The following FBXL17 variants were observed in gnomAD, a reference collection of about 807,000 sequenced individuals.
FBXL17 encodes F-box/LRR-repeat protein 17.
A neutral mutation model predicts 66.2 loss-of-function variants in FBXL17; 22 were observed. The observed-to-expected ratio is 0.33, with a 90% CI of 0.24 to 0.47. FBXL17 has a LOEUF of 0.47. Ranked by LOEUF, FBXL17 falls within the 20% of genes least tolerant of loss-of-function variation. The pLI is 1.00. For missense variants in FBXL17, 878 were observed against 948.2 expected (o/e 0.93, Z 0.97); for synonymous variants, 474 against 400.5 (o/e 1.18, Z -2.19).
chr5:108,127,106 G>C (rs1750746498), intron 6 of FBXL17, among the ~76,000 whole-genome samples: 1 of 152,128 alleles, frequency 6.6e-6, no homozygotes, highest in Admixed American at 6.6e-5. Context: ...TAGTTTGCTT[G>C]TGCAAACAAG....
rs191794939 is a variant in FBXL17 at position 107,988,596 on chromosome 5, A to C, written c.1822+32329T>G. On this transcript the variant is annotated intron_variant, in intron 7 of 8. Transcript: ENST00000542267. Reference sequence around the variant, plus strand: ...AATTAAATATTATTTACCACATATAAGTGAAACATCAAAGATCCAAATAAT... The same window carrying C: ...AATTAAATATTATTTACCACATATACGTGAAACATCAAAGATCCAAATAAT... 2.1e-3 allele frequency among the ~76,000 whole-genome samples: 320 copies of C among 152,190 alleles called. 2 individuals are homozygous for C. Among genetic ancestry groups the C allele is most frequent in the African/African-American group, 7.3e-3 (303 of 41,572 alleles).
chr5:107,906,419 T>G (rs1749760044), intron 7 of FBXL17, among the ~76,000 whole-genome samples: 1 of 151,954 alleles, frequency 6.6e-6, no homozygotes, highest in Non-Finnish European at 1.5e-5. Context: ...GGAACAACAG[T>G]TTTTGAATAT....
chr5:108,223,657 TTGTTA>T (rs1253624265), intron 5 of FBXL17, among the ~76,000 whole-genome samples: 2 of 152,204 alleles, frequency 1.3e-5, no homozygotes, highest in Non-Finnish European at 2.9e-5. Context: ...TTTCATATAA[TTGTTA>T]TATTATTGAA....
At chr5:107,930,518 G>C (rs1750694478) in intron 7 of FBXL17, among the ~76,000 whole-genome samples, 1 of 152,304 alleles carries the variant, frequency 6.6e-6, no homozygotes, top group African/African-American at 2.4e-5. Flanking sequence ...TTACTTGATT[G>C]GTTCAAGTTT....
chr5:108,227,873 A>G (rs2150081227), intron 4 of FBXL17, among the ~76,000 whole-genome samples: 1 of 152,332 alleles, frequency 6.6e-6, no homozygotes. Flanking sequence ...GCTTCAATGA[A>G]ACTCAATCAC....
rs150964875 is a variant in FBXL17 at position 108,148,598 on chromosome 5, T to C, written c.1745+37519A>G. 2.5e-3 allele frequency among the ~76,000 whole-genome samples: 385 copies of C among 152,270 alleles called. 1 individual carries two copies. The highest frequency in any genetic ancestry group is 0.012 in the South Asian group (56 of 4,830). ...AATACACACAGTATGATTACATCTA[T>C]ATAAAGAAACAAAAATAGGCAAAAC... On this transcript the variant is annotated intron_variant, in intron 6 of 8. Transcript: ENST00000542267.
chr5:108,231,244 T>C (rs1042170004), intron 4 of FBXL17, among the ~76,000 whole-genome samples: 1 of 152,170 alleles, frequency 6.6e-6, no homozygotes, highest in Non-Finnish European at 1.5e-5. Context: ...TACAGTTATA[T>C]AATCATCACC....
rs901199809 is a variant in FBXL17, at chr5:108,099,999, A to T, written c.1746-78998T>A. On this transcript the variant is annotated intron_variant, in intron 6 of 8. Coordinates refer to ENST00000542267, the MANE Select transcript of FBXL17 (RefSeq NM_001163315.3). ...TGTATTCCAATATAGTAATGTTTTT[A>T]GCATTGTTTGCCTGTGAATAACCTA... Among the ~76,000 whole-genome samples, 32 of 152,192 alleles carry T rather than the reference A, an allele frequency of 2.1e-4. 1 individual carries two copies. The highest frequency in any genetic ancestry group is 5.9e-4 in the Admixed American group (9 of 15,276).
At chr5:108,002,843 C>A (rs1006191799) in intron 7 of FBXL17, among the ~76,000 whole-genome samples, 3 of 152,020 alleles carry the variant, frequency 2.0e-5, no homozygotes, top group African/African-American at 4.8e-5. Flanking sequence ...TCCCTTTATA[C>A]AAAATGTTCA....
intron 6 of FBXL17, among the ~76,000 whole-genome samples, chr5:108,122,199 A>T (rs969084579): frequency 5.9e-5 from 9 of 152,154 alleles, no homozygotes; most frequent in Admixed American, 6.5e-5. Context: ...TACAATGCAC[A>T]TATATTTGAT....
intron 7 of FBXL17, among the ~76,000 whole-genome samples, chr5:108,016,451 A>G (rs890379807): frequency 1.3e-5 from 2 of 152,190 alleles, no homozygotes; most frequent in African/African-American, 4.8e-5. Flanking sequence ...AAACAAAAAA[A>G]TATCTCTAGA....
chr5:108,170,571 T>C (rs1346437786), intron 6 of FBXL17, among the ~76,000 whole-genome samples: 1 of 152,196 alleles, frequency 6.6e-6, no homozygotes, highest in Non-Finnish European at 1.5e-5. Flanking sequence ...TCTCACTCTG[T>C]CGTCCAGGCT....
intron 4 of FBXL17, among the ~76,000 whole-genome samples, chr5:108,288,547 T>C (rs570609591): frequency 6.6e-6 from 1 of 152,038 alleles, no homozygotes; most frequent in South Asian, 2.1e-4. Flanking sequence ...TATGTAGCTC[T>C]ATTGCAAATG....
chr5:108,142,850 T>G (rs1166538324), intron 6 of FBXL17, among the ~76,000 whole-genome samples: 1 of 151,990 alleles, frequency 6.6e-6, no homozygotes, highest in Non-Finnish European at 1.5e-5. Flanking sequence ...ATTCTTACAG[T>G]GGACGGATAG....
chr5:108,148,128 T>A (rs964148196), intron 6 of FBXL17, among the ~76,000 whole-genome samples: 2 of 152,130 alleles, frequency 1.3e-5, no homozygotes, highest in Admixed American at 1.3e-4. Context: ...TAAACATCGA[T>A]TGTATAAAAC....
intron 6 of FBXL17, among the ~76,000 whole-genome samples, chr5:108,115,056 A>G (rs1242273676): frequency 6.6e-6 from 1 of 152,200 alleles, no homozygotes; most frequent in Non-Finnish European, 1.5e-5. Context: ...GACTGCATCA[A>G]TGACAATTGG....
intron 7 of FBXL17, among the ~76,000 whole-genome samples, chr5:107,966,202 T>G (rs1752131537): frequency 6.6e-6 from 1 of 152,146 alleles, no homozygotes; most frequent in Non-Finnish European, 1.5e-5. Flanking sequence ...CGTTGGCTCT[T>G]CATCTCCATA....
chr5:107,968,148 GAAACAGA>G (rs1187271741), intron 7 of FBXL17, among the ~76,000 whole-genome samples: 3 of 152,098 alleles, frequency 2.0e-5, no homozygotes, highest in African/African-American at 7.2e-5. Flanking sequence ...CAGCATCAAA[GAAACAGA>G]AAACAATGCT....
chr5:108,233,955 C>G (rs965644141), intron 4 of FBXL17, among the ~76,000 whole-genome samples: 1 of 152,066 alleles, frequency 6.6e-6, no homozygotes, highest in Non-Finnish European at 1.5e-5. Flanking sequence ...GGGTGGATTC[C>G]TGTGAGATCA....
Sources: allele counts gnomAD v4.1 joint callset (sites outside exome capture counted in the v4.1 genomes callset), GRCh38; gene constraint gnomAD v4.1.1; transcripts MANE v1.5; gene names NCBI Gene and HGNC (gene_info 2026-07-23, HGNC 2026-07-21).